The following CHM variants were observed in gnomAD, a reference collection of about 807,000 sequenced individuals.
CHM encodes the protein CHM Rab escort protein.
CHM carries 10 observed loss-of-function variants against 49.0 expected under a neutral mutation model. That is an observed-to-expected ratio of 0.20 (90% CI 0.13 to 0.35). The LOEUF (loss-of-function observed/expected upper bound fraction) is 0.35, where lower values mean the gene tolerates loss of function less well. Ranked by LOEUF, CHM falls within the 10% of genes least tolerant of loss-of-function variation. The pLI, the probability that CHM is intolerant of heterozygous loss-of-function variation, is 1.00. For synonymous variants in CHM, 184 were observed against 167.5 expected, an observed-to-expected ratio of 1.10 and a Z score of -0.76; for missense variants, 455 against 478.4, an observed-to-expected ratio of 0.95 and a Z score of 0.46.
intron 2 of CHM, among the ~76,000 whole-genome samples, chrX:86,002,057 T>C (rs1932751448): frequency 9.0e-6 from 1 of 111,433 alleles, no homozygotes; most frequent in Non-Finnish European, 1.9e-5. Context: ...GCGATGAGTT[T>C]TATAACTCCA....
At chrX:85,889,408 T>C (rs970035018) in intron 12 of CHM, among the ~76,000 whole-genome samples, 4 of 112,099 alleles carry the variant, frequency 3.6e-5, no homozygotes, top group African/African-American at 6.5e-5. Flanking sequence ...TTTGAACAGA[T>C]GCTTCTCAAA....
chrX:86,015,226 T>C (rs1933244391), intron 2 of CHM, among the ~76,000 whole-genome samples: 1 of 111,049 alleles, frequency 9.0e-6, no homozygotes, highest in African/African-American at 3.3e-5. Flanking sequence ...GCTGTCCTTG[T>C]GATAGTGAAT....
At chrX:85,906,531 C>A (rs7883510) in intron 9 of CHM, among the ~76,000 whole-genome samples, 252 of 111,703 alleles carry the variant, frequency 2.3e-3, no homozygotes, top group African/African-American at 7.9e-3. Flanking sequence ...GAGAGTTAAA[C>A]AATTGCTCAA....
chrX:85,937,119 A>G (rs1928823550), intron 8 of CHM, among the ~76,000 whole-genome samples: 1 of 109,435 alleles, frequency 9.1e-6, no homozygotes, highest in Admixed American at 9.8e-5. Context: ...ACAAAAAATT[A>G]GCCGGGTGTG....
chrX:86,029,081 G>T (rs1185739588), intron 1 of CHM, among the ~76,000 whole-genome samples: 1 of 112,064 alleles, frequency 8.9e-6, no homozygotes, highest in East Asian at 2.8e-4. Flanking sequence ...ATAATGCTTG[G>T]TTCAAAACAA....
In CHM at chrX:85,894,204, T is replaced by C. The variant is rs1603241790; in HGVS notation, c.1494A>G (p.Thr498=). 3 of 1,206,958 alleles carry C rather than the reference T, an allele frequency of 2.5e-6. No individual in the cohort carries two copies. The highest frequency in any genetic ancestry group is 1.1e-6 in the Non-Finnish European group (1 of 892,543). ...TATGCTTACAGGTGCCTTTCATGCA[T>C]GTCATCGTTGAAGAACATAACTCAA... is the stretch of plus-strand genomic sequence containing the variant. ...RVIELCSSTM[T]CMKGTYLVHL... is the part of the protein sequence containing the mutation. The change falls in exon 12 of 15, where the codon ACA becomes ACG. Residue 498 remains threonine (T), a synonymous_variant. Transcript: ENST00000357749.
chrX:85,889,427 C>T (rs191700384), intron 12 of CHM, among the ~76,000 whole-genome samples: 33 of 112,127 alleles, frequency 2.9e-4, no homozygotes, highest in African/African-American at 1.0e-3. Flanking sequence ...AAAGAAGATA[C>T]ATAAGTAGCC....
chrX:85,981,991 T>C (rs769660396), intron 2 of CHM, among the ~76,000 whole-genome samples, 182 bp from the exon 3 acceptor site: 3 of 111,381 alleles, frequency 2.7e-5, no homozygotes, highest in Admixed American at 9.5e-5. Context: ...AGGCTAAAAG[T>C]AGGCCTCTCA....
intron 11 of CHM, among the ~76,000 whole-genome samples, chrX:85,894,844 A>G (rs780231471): frequency 4.5e-5 from 5 of 111,880 alleles, no homozygotes; most frequent in African/African-American, 1.6e-4. Context: ...TATTAAATCA[A>G]TCTTGATTAC....
chrX:86,004,632 A>G (rs1023577888), intron 2 of CHM, among the ~76,000 whole-genome samples: 11 of 112,117 alleles, frequency 9.8e-5, no homozygotes, highest in South Asian at 7.4e-4. Context: ...GATAAAACAG[A>G]CTTTGAACCA....
chrX:86,018,959 T>A (rs1933420906), intron 2 of CHM, among the ~76,000 whole-genome samples: 1 of 111,871 alleles, frequency 8.9e-6, no homozygotes, highest in Non-Finnish European at 1.9e-5. Flanking sequence ...CTGCTCAGTA[T>A]CTTATAATTT....
At position 85,894,141 on chromosome X, in the gene CHM, C is replaced by T. The variant is rs753187046; in HGVS notation, c.1510+47G>A. Reference sequence around the variant, plus strand: ...ACAACTGTAATAACTGCCCCCTTTACCCCCTAAACAAACACAAAATACAAA... The same window carrying T: ...ACAACTGTAATAACTGCCCCCTTTATCCCCTAAACAAACACAAAATACAAA... On this transcript the variant is annotated intron_variant, in intron 12 of 14. Transcript: ENST00000357749. The T allele has an allele frequency of 9.4e-6, 9 of 956,720 alleles. No individual in the cohort carries two copies. In the African/African-American group the frequency reaches 1.3e-4, roughly 14 times the overall value. The allele number at this position is 956,720 out of a possible 1,213,427, so 78.8% of individuals were successfully genotyped here. A position where few individuals can be genotyped will look rare whatever the true frequency, so the allele number is the denominator to read the frequency against.
At chrX:86,018,747 G>A (rs1933411070) in intron 2 of CHM, among the ~76,000 whole-genome samples, 1 of 112,027 alleles carries the variant, frequency 8.9e-6, no homozygotes, top group Non-Finnish European at 1.9e-5. Flanking sequence ...AACCTGGATG[G>A]ATCTCTGGGG....
intron 4 of CHM, among the ~76,000 whole-genome samples, chrX:85,975,014 T>A (rs1273924119): frequency 9.0e-6 from 1 of 110,842 alleles, no homozygotes; most frequent in Non-Finnish European, 1.9e-5. Context: ...ACTACTCCAA[T>A]TTTAAAAACA....
Position 85,957,947 on chromosome X carries a change from T to G in CHM, c.848A>C (p.Asn283Thr). Residue 283 changes from asparagine to threonine, a missense_variant, in exon 7 of 15, where the codon AAT becomes ACT. Asn to Thr is a moderately conservative substitution (Grantham distance 65). Transcript: ENST00000357749. ...TTCTACCATAGTAAGTTGTTTGCTA[T>G]TAAAGACATCTGCTCTGGAACACGG... ...QVPCSRADVF[N>T]SKQLTMVEKR... 1.7e-6 allele frequency: 2 copies of G among 1,211,083 alleles called. No individual in the cohort carries two copies. Among genetic ancestry groups the G allele is most frequent in the South Asian group, 3.5e-5 (2 of 56,844 alleles).
intron 4 of CHM, among the ~76,000 whole-genome samples, chrX:85,974,090 T>C (rs775815547): frequency 5.3e-5 from 6 of 112,223 alleles, no homozygotes; most frequent in Non-Finnish European, 9.4e-5. Context: ...GGCAAGTGCA[T>C]TGCTAGATAG....
chrX:85,930,283 C>A (rs1928353167), intron 8 of CHM, among the ~76,000 whole-genome samples: 1 of 110,910 alleles, frequency 9.0e-6, no homozygotes, highest in Non-Finnish European at 1.9e-5. Flanking sequence ...CACTCCTACT[C>A]TCACGAGGTC....
chrX:85,957,798 A>C, intron 7 of CHM, 57 bp downstream of exon 7: 3 of 1,177,444 alleles, frequency 2.5e-6, no homozygotes, highest in Non-Finnish European at 3.4e-6. Context: ...GAGCAAGCAT[A>C]TTAAAATAGT....
intron 2 of CHM, among the ~76,000 whole-genome samples, chrX:86,020,499 CAT>C (rs749039451): frequency 1.2e-4 from 13 of 104,936 alleles, no homozygotes; most frequent in African/African-American, 2.1e-4. Flanking sequence ...GCAAATATTA[CAT>C]ATATATATAT....
Sources: gnomAD v4.1 joint callset for allele counts (sites outside exome capture counted in the v4.1 genomes callset) on GRCh38, gnomAD v4.1.1 for gene constraint, MANE v1.5 for transcripts, NCBI Gene and HGNC (gene_info 2026-07-23, HGNC 2026-07-21) for gene names.